The following ASTN2 variants were observed in gnomAD, a reference collection of about 807,000 sequenced individuals.
The protein encoded by ASTN2 is astrotactin 2.
ASTN2 carries 54 observed loss-of-function variants against 139.8 expected under a neutral mutation model. The observed-to-expected ratio is 0.39, with a 90% CI of 0.31 to 0.48. The LOEUF (loss-of-function observed/expected upper bound fraction) is 0.48, where lower values mean the gene tolerates loss of function less well. Among genes scored for constraint, ASTN2 ranks in the 20% least tolerant of loss-of-function variants. The pLI is 0.95. For missense variants in ASTN2, 1,565 were observed against 1,725.1 expected, an observed-to-expected ratio of 0.91 and a Z score of 1.64; for synonymous variants, 756 against 719.5, an observed-to-expected ratio of 1.05 and a Z score of -0.81.
chr9:116,798,155 C>T (rs1161801400), intron 13 of ASTN2, among the ~76,000 whole-genome samples: 10 of 152,212 alleles, frequency 6.6e-5, no homozygotes, highest in South Asian at 2.1e-4. Flanking sequence ...CCTGTAATCC[C>T]AGCTACTCTG....
intron 19 of ASTN2, among the ~76,000 whole-genome samples, chr9:116,571,891 G>A (rs1853533900): frequency 6.6e-6 from 1 of 152,088 alleles, no homozygotes; most frequent in Non-Finnish European, 1.5e-5. Context: ...TGGGTGATGT[G>A]CTCACATGCA....
intron 6 of ASTN2, among the ~76,000 whole-genome samples, chr9:117,038,087 C>T (rs1396238779): frequency 6.6e-6 from 1 of 152,118 alleles, no homozygotes; most frequent in Non-Finnish European, 1.5e-5. Flanking sequence ...CAAGTAGGGG[C>T]TTCTGCACTA....
chr9:116,572,593 G>T (rs141665292), intron 19 of ASTN2, among the ~76,000 whole-genome samples: 1 of 149,252 alleles, frequency 6.7e-6, no homozygotes, highest in Non-Finnish European at 1.5e-5. Context: ...TTCCCTGACC[G>T]CCTACTTGGG....
chr9:116,570,159 T>C (rs1412395774), intron 19 of ASTN2, among the ~76,000 whole-genome samples: 2 of 152,222 alleles, frequency 1.3e-5, no homozygotes. Context: ...TGATAATTTC[T>C]ACTTTCCAAA....
intron 10 of ASTN2, among the ~76,000 whole-genome samples, chr9:116,868,971 G>A (rs141408710): frequency 7.1e-4 from 108 of 152,256 alleles, no homozygotes; most frequent in African/African-American, 2.5e-3. Flanking sequence ...GATCACCTGA[G>A]GTCAGGAGTT....
intron 19 of ASTN2, among the ~76,000 whole-genome samples, chr9:116,519,838 C>T (rs926366396): frequency 6.6e-6 from 1 of 151,854 alleles, no homozygotes; most frequent in Non-Finnish European, 1.5e-5. Flanking sequence ...CAACTGATAT[C>T]ACAAAAACAC....
chr9:117,057,073 T>C (rs2132677536), intron 5 of ASTN2, among the ~76,000 whole-genome samples: 1 of 152,358 alleles, frequency 6.6e-6, no homozygotes, highest in South Asian at 2.1e-4. Context: ...TTGGAACAGT[T>C]ACTTAATTTC....
At chr9:117,007,731 T>C (rs1397890229) in intron 7 of ASTN2, among the ~76,000 whole-genome samples, 5 of 152,226 alleles carry the variant, frequency 3.3e-5, no homozygotes, top group Admixed American at 2.6e-4. Context: ...GGGTTGGTGC[T>C]ATTTTCATTC....
At chr9:116,802,391 A>G (rs1223551871) in intron 13 of ASTN2, among the ~76,000 whole-genome samples, 1 of 152,108 alleles carries the variant, frequency 6.6e-6, no homozygotes, top group East Asian at 1.9e-4. Context: ...CAGCGGTGCC[A>G]TGCTCTTTCT....
At chr9:117,277,351 T>C (rs1489990800) in intron 2 of ASTN2, 2 of 152,196 alleles carry the variant, frequency 1.3e-5, no homozygotes, top group Non-Finnish European at 2.9e-5. Context: ...AGAATTCTTT[T>C]TGTTGTTGGT....
chr9:116,888,636 C>A (rs1227950815), intron 10 of ASTN2, among the ~76,000 whole-genome samples: 1 of 151,996 alleles, frequency 6.6e-6, no homozygotes, highest in African/African-American at 2.4e-5. Context: ...AAGTCTCATG[C>A]CTCAGCCTTC....
intron 10 of ASTN2, among the ~76,000 whole-genome samples, chr9:116,964,218 T>G (rs186944464): frequency 0.019 from 1,332 of 68,474 alleles, 11 homozygotes; most frequent in Middle Eastern, 0.073. Flanking sequence ...TGCCCTGGGG[T>G]GTGTGTGTGT....
rs59722919 is a variant in ASTN2 at position 116,578,770 on chromosome 9, G to GA, written c.3355+39553dup. Among the ~76,000 whole-genome samples, 57 of 146,610 alleles carry GA rather than the reference G, an allele frequency of 3.9e-4. No homozygotes were observed. In the East Asian group the frequency reaches 5.7e-3, roughly 15 times the overall value. ...TTTAAAAAGCTGCGTTTTTCAAATG[G>GA]AAAAAAAAAATACCAACTGAGGAAA... On this transcript the variant is annotated intron_variant, in intron 19 of 22. Transcript: ENST00000313400.
intron 1 of ASTN2, among the ~76,000 whole-genome samples, chr9:117,401,909 G>A (rs1374245494): frequency 6.6e-6 from 1 of 152,186 alleles, no homozygotes; most frequent in Non-Finnish European, 1.5e-5. Context: ...CAATTGTTTA[G>A]ATTTGGCCCA....
intron 4 of ASTN2, among the ~76,000 whole-genome samples, chr9:117,111,139 A>G (rs1829239062): frequency 6.6e-6 from 1 of 152,240 alleles, no homozygotes; most frequent in Non-Finnish European, 1.5e-5. Context: ...AAAACCCAAG[A>G]GTCTTCATAA....
At chr9:117,134,277 TATATATATATATATATATACACAC>T (rs1327196004) in intron 4 of ASTN2, among the ~76,000 whole-genome samples, 8 of 69,220 alleles carry the variant, frequency 1.2e-4, no homozygotes, top group African/African-American at 3.9e-4. Context: ...TATATATATA[TATATATATATATATATATACACAC>T]ACACACACAC....
intron 13 of ASTN2, among the ~76,000 whole-genome samples, chr9:116,797,153 G>A (rs1830718913): frequency 6.6e-6 from 1 of 152,078 alleles, no homozygotes; most frequent in African/African-American, 2.4e-5. Context: ...AACTATGGAA[G>A]GTAATGGATC....
At position 116,652,066 on chromosome 9, in the gene ASTN2, AT is replaced by A. The variant is rs570182796; in HGVS notation, c.2807-274del. Among the ~76,000 whole-genome samples, 37 of 152,170 alleles carry A rather than the reference AT, an allele frequency of 2.4e-4. No individual in the cohort carries two copies. In the South Asian group the frequency reaches 7.7e-3, roughly 32 times the overall value. ...GTATGTAAAGTTGGGGCCAGGCACA[AT>A]AATCCCAGCACTTTGGGAGGCTGAG... is the stretch of plus-strand genomic sequence containing the variant. On this transcript the variant is annotated intron_variant, in intron 16 of 22. Coordinates refer to ENST00000313400, the MANE Select transcript of ASTN2 (RefSeq NM_001365068.1).
intron 10 of ASTN2, among the ~76,000 whole-genome samples, chr9:116,911,585 T>C (rs1422998734): frequency 1.3e-5 from 2 of 152,212 alleles, no homozygotes; most frequent in East Asian, 1.9e-4. Flanking sequence ...AACTGTATCA[T>C]GGTAAAGTAA....
Sources: gnomAD v4.1 joint callset for allele counts (sites outside exome capture counted in the v4.1 genomes callset) on GRCh38, gnomAD v4.1.1 for gene constraint, MANE v1.5 for transcripts, NCBI Gene and HGNC (gene_info 2026-07-23, HGNC 2026-07-21) for gene names.